TRMT11: variants seen among roughly 807,000 people sequenced by gnomAD.
TRMT11 encodes the protein tRNA (guanine(10)-N(2))-methyltransferase TRMT11.
TRMT11 carries 53 observed loss-of-function variants against 62.8 expected under a neutral mutation model. The observed-to-expected ratio is 0.84, with a 90% CI of 0.68 to 1.06. TRMT11 has a LOEUF of 1.06. Among genes scored for constraint, TRMT11 ranks in the 50% least tolerant of loss-of-function variants. The pLI is 0.00. For missense variants in TRMT11, 556 were observed against 553.4 expected, an observed-to-expected ratio of 1.00 and a Z score of -0.05; for synonymous variants, 188 against 190.3, an observed-to-expected ratio of 0.99 and a Z score of 0.10.
the TRMT11 span, among the ~76,000 whole-genome samples, chr6:126,218,006 A>G: frequency 4.7e-4 from 71 of 152,212 alleles, 1 homozygote; most frequent in East Asian, 0.014. Context: ...TCACAAGCAG[A>G]GGAGTCTTTT....
intron 21 of TRMT11, among the ~76,000 whole-genome samples, chr6:126,147,626 C>T (rs552444535): frequency 7.4e-4 from 113 of 152,216 alleles, no homozygotes; most frequent in African/African-American, 2.4e-3. Flanking sequence ...TTCGTCCCTG[C>T]GGTACCTTAC....
chr6:126,206,904 T>A (rs970114131), downstream of TRMT11, among the ~76,000 whole-genome samples: 1 of 152,254 alleles, frequency 6.6e-6, no homozygotes, highest in Non-Finnish European at 1.5e-5. Context: ...ATAAACAAAG[T>A]ATAAATTAAA....
rs532844233 is a variant in TRMT11 at position 126,021,415 on chromosome 6, G to T, written c.1260+135G>T. 4.9e-5 allele frequency: 54 copies of T among 1,111,394 alleles called. No homozygotes were observed. The African/African-American group carries it at 7.9e-4, about 16-fold the overall frequency. 68.8% of individuals were successfully genotyped at this position (1,111,394 alleles called of 1,614,324 possible). ...AAATTACAGATCAATTTAGGAAGAG[G>T]CAGAAGTTGAAGAGATTTGTGGCAT... On this transcript the variant is annotated intron_variant, in intron 12 of 12. Coordinates refer to ENST00000334379, the MANE Select transcript of TRMT11 (RefSeq NM_001031712.3).
the TRMT11 span, among the ~76,000 whole-genome samples, chr6:126,260,476 C>T: frequency 6.6e-6 from 1 of 152,132 alleles, no homozygotes; most frequent in Non-Finnish European, 1.5e-5. Context: ...ACCATTATAT[C>T]ACTGTGATAT....
Position 125,996,203 on chromosome 6 carries a change from G to A in TRMT11, c.212+163G>A, listed in dbSNP as rs79178369. 9.7e-3 allele frequency among the ~76,000 whole-genome samples: 1,482 copies of A among 152,264 alleles called. 9 individuals are homozygous for A. The highest frequency in any genetic ancestry group is 0.016 in the Non-Finnish European group (1,056 of 68,014). ...GGGGACCAGAGGAGGGTTACCTGCC[G>A]AAACCAAGGATGAAAGAATCTCTGG... is the stretch of plus-strand genomic sequence containing the variant. On this transcript the variant is annotated intron_variant, in intron 3 of 12. Transcript: ENST00000334379.
intron 17 of TRMT11, among the ~76,000 whole-genome samples, chr6:126,093,631 A>ATTTTTTTTTTTTTTTTTTTTTTTT (rs145963759): frequency 1.0e-5 from 1 of 98,016 alleles, no homozygotes; most frequent in African/African-American, 4.4e-5. Context: ...ATATATATAT[A>ATTTTTTTTTTTTTTTTTTTTTTTT]TTTTCCCCCA....
chr6:126,012,929 A>C, intron 10 of TRMT11, 41 bp from the exon 11 acceptor site: 3 of 1,609,386 alleles, frequency 1.9e-6, no homozygotes, highest in Non-Finnish European at 2.5e-6. Context: ...AGCACTCTTA[A>C]AATTTTTCAC....
At chr6:126,148,618 C>G (rs1778002096) in intron 21 of TRMT11, among the ~76,000 whole-genome samples, 1 of 151,972 alleles carries the variant, frequency 6.6e-6, no homozygotes, top group Admixed American at 6.6e-5. Flanking sequence ...TAAAGTAAAA[C>G]TAATAATAGT....
At chr6:126,124,229 ATGTC>A (rs1463794865) in intron 21 of TRMT11, among the ~76,000 whole-genome samples, 4 of 151,994 alleles carry the variant, frequency 2.6e-5, no homozygotes, top group Non-Finnish European at 4.4e-5. Flanking sequence ...GATCCCCAAA[ATGTC>A]TGTCTTAGTT....
chr6:126,196,301 C>T (rs888457679), intron 1 of TRMT11, among the ~76,000 whole-genome samples: 21 of 152,110 alleles, frequency 1.4e-4, no homozygotes, highest in African/African-American at 5.1e-4. Flanking sequence ...CATTTCCCAC[C>T]TCTTTCATAA....
intron 11 of TRMT11, among the ~76,000 whole-genome samples, chr6:126,017,125 T>C (rs1015229695): frequency 6.6e-6 from 1 of 152,196 alleles, no homozygotes; most frequent in East Asian, 1.9e-4. Flanking sequence ...TAGCTTTATA[T>C]TGGACCGGGA....
At chr6:126,194,061 T>G (rs1054483556) in intron 1 of TRMT11, among the ~76,000 whole-genome samples, 2 of 152,190 alleles carry the variant, frequency 1.3e-5, no homozygotes, top group African/African-American at 4.8e-5. Flanking sequence ...TTAAAAAATT[T>G]GTTGAGACTT....
chr6:126,071,786 A>G (rs868671931), intron 17 of TRMT11, among the ~76,000 whole-genome samples: 1 of 152,106 alleles, frequency 6.6e-6, no homozygotes, highest in African/African-American at 2.4e-5. Flanking sequence ...GTTTCAGAAA[A>G]TAAATCTCAG....
At chr6:125,996,646 A>G (rs1204895498) in intron 3 of TRMT11, among the ~76,000 whole-genome samples, 2 of 152,088 alleles carry the variant, frequency 1.3e-5, no homozygotes, top group Non-Finnish European at 1.5e-5. Flanking sequence ...AGATTTGAAA[A>G]TTAAACTGTA....
intron 18 of TRMT11, among the ~76,000 whole-genome samples, chr6:126,114,530 G>A (rs1395078037): frequency 1.3e-5 from 2 of 152,062 alleles, no homozygotes; most frequent in African/African-American, 4.8e-5. Flanking sequence ...TTGAAGGTGG[G>A]ACCTGTATGT....
chr6:125,991,230 T>C (rs1583621145), intron 1 of TRMT11, among the ~76,000 whole-genome samples: 1 of 148,930 alleles, frequency 6.7e-6, no homozygotes, highest in Admixed American at 6.7e-5. Context: ...CGGGTGACAG[T>C]GTGAGACTCC....
the TRMT11 span, among the ~76,000 whole-genome samples, chr6:126,251,536 G>A: frequency 1.3e-5 from 2 of 152,104 alleles, no homozygotes; most frequent in East Asian, 3.9e-4. Context: ...TTTATTAACT[G>A]TAATCACCAT....
At chr6:126,103,439 AC>A (rs959143178) in intron 17 of TRMT11, among the ~76,000 whole-genome samples, 1 of 152,202 alleles carries the variant, frequency 6.6e-6, no homozygotes, top group Admixed American at 6.5e-5. Flanking sequence ...AAAACAACAC[AC>A]ATATATTTCT....
Position 126,126,465 on chromosome 6 carries a change from T to C in TRMT11, c.*1823+10610T>C, listed in dbSNP as rs565681868. ...CATAATTTATTTGATTTCTGGCCCT[T>C]TGTGTTAACTCACTGGACTCATTTG... On this transcript the variant is annotated intron_variant and NMD_transcript_variant, in intron 21 of 22. Coordinates refer to the TRMT11 transcript ENST00000648977. Among the ~76,000 whole-genome samples, 9 of 152,272 alleles carry C rather than the reference T, an allele frequency of 5.9e-5. No individual in the cohort carries two copies. The East Asian group carries it at 1.4e-3, about 23-fold the overall frequency.
Sources: allele counts gnomAD v4.1 joint callset (sites outside exome capture counted in the v4.1 genomes callset), GRCh38; gene constraint gnomAD v4.1.1; transcripts MANE v1.5; gene names NCBI Gene and HGNC (gene_info 2026-07-23, HGNC 2026-07-21).